CFAP251: variants seen among roughly 807,000 people sequenced by gnomAD.
The protein encoded by CFAP251 is cilia- and flagella-associated protein 251.
Under a neutral mutation model 126.7 loss-of-function variants are expected in CFAP251, and 93 were observed. That is an observed-to-expected ratio of 0.73 (90% confidence interval 0.62 to 0.87). CFAP251 has a LOEUF of 0.87. CFAP251 is among the 40% of genes least tolerant of loss of function. The probability of loss-of-function intolerance (pLI) is 0.00; values close to 1 mark genes in which losing one functional copy is unlikely to be tolerated. For synonymous variants in CFAP251, 503 were observed against 506.9 expected (o/e 0.99, Z 0.10); for missense variants, 1,287 against 1,389.2 (o/e 0.93, Z 1.17).
At chr12:121,978,633 C>CTA (rs1346653047) in intron 19 of CFAP251, among the ~76,000 whole-genome samples, 1 of 151,210 alleles carries the variant, frequency 6.6e-6, no homozygotes, top group African/African-American at 2.4e-5. Flanking sequence ...ATGTATATAC[C>CTA]TATATATATC....
At position 121,954,141 on chromosome 12, in the gene CFAP251, A is replaced by G. The variant is rs1452577910; in HGVS notation, c.1342A>G (p.Lys448Glu). 6.2e-7 allele frequency: 1 copy of G among 1,613,948 alleles called. No individual in the cohort carries two copies. Among genetic ancestry groups the G allele is most frequent in the East Asian group, 2.2e-5 (1 of 44,890 alleles). ...ACAGACCTTCAACAAGCTTGTGGGA[A>G]AGTTTAGCCAGTCCATCTTTCACTT... ...TEKTFNKLVG[K>E]FSQSIFHLNL... The change falls in exon 10 of 22, where the codon AAG becomes GAG. Residue 448 changes from lysine (K) to glutamate (E), a missense_variant. By Grantham distance (56) the Lys-to-Glu change is moderately conservative. Transcript: ENST00000288912.
At chr12:121,993,130 G>A (rs1882917778) in intron 19 of CFAP251, among the ~76,000 whole-genome samples, 1 of 145,398 alleles carries the variant, frequency 6.9e-6, no homozygotes, top group African/African-American at 2.6e-5. Flanking sequence ...GGCACGCGCC[G>A]CCACGCCTGA....
At chr12:121,992,421 G>A in intron 19 of CFAP251, 1 of 985,374 alleles carries the variant, frequency 1.0e-6, no homozygotes, top group African/African-American at 1.7e-5. Context: ...AGTGGTTTGT[G>A]CTGTGAATGT....
intron 15 of CFAP251, 98 bp from the exon 16 acceptor site, chr12:121,966,857 T>C: frequency 9.3e-7 from 1 of 1,073,234 alleles, no homozygotes. Context: ...GTGCTGGGAT[T>C]ACAGGTGTGA....
chr12:121,980,273 C>T (rs1882587633), intron 19 of CFAP251, among the ~76,000 whole-genome samples: 1 of 152,224 alleles, frequency 6.6e-6, no homozygotes, highest in African/African-American at 2.4e-5. Context: ...GTGTCTCAGC[C>T]TCTTCATGCT....
chr12:121,952,240 T>A (rs1168252584), intron 9 of CFAP251, among the ~76,000 whole-genome samples: 6 of 92,082 alleles, frequency 6.5e-5, no homozygotes, highest in South Asian at 4.5e-4. Context: ...TCGTTTCTAC[T>A]AAAAAAAAAA....
At chr12:121,986,017 A>T (rs528209217) in intron 19 of CFAP251, among the ~76,000 whole-genome samples, 2 of 152,134 alleles carry the variant, frequency 1.3e-5, no homozygotes, top group Non-Finnish European at 2.9e-5. Flanking sequence ...TTTTTGAGAG[A>T]GTCTTGCTGT....
At chr12:121,950,422 T>C (rs1881479309) in intron 8 of CFAP251, 1 of 152,216 alleles carries the variant, frequency 6.6e-6, no homozygotes, top group East Asian at 1.9e-4. Context: ...ACCGCTGAAT[T>C]GCACACTTTA....
chr12:121,946,275 G>T (rs1161442651), intron 7 of CFAP251, among the ~76,000 whole-genome samples: 1 of 152,194 alleles, frequency 6.6e-6, no homozygotes, highest in Non-Finnish European at 1.5e-5. Flanking sequence ...GAATAGGTGT[G>T]TAACTGTTTA....
At chr12:121,961,644 T>C (rs1881944146) in intron 14 of CFAP251, among the ~76,000 whole-genome samples, 2 of 152,242 alleles carry the variant, frequency 1.3e-5, no homozygotes, top group Non-Finnish European at 2.9e-5. Flanking sequence ...TATGTGACCT[T>C]GGACAAGCCA....
At chr12:121,982,243 G>A (rs2135804901) in intron 19 of CFAP251, among the ~76,000 whole-genome samples, 1 of 151,434 alleles carries the variant, frequency 6.6e-6, no homozygotes, top group African/African-American at 2.4e-5. Context: ...GTCTCACTCT[G>A]TCGCCCAGGC....
At chr12:121,993,788 A>G (rs1882945038) in intron 19 of CFAP251, among the ~76,000 whole-genome samples, 1 of 143,140 alleles carries the variant, frequency 7.0e-6, no homozygotes, top group Non-Finnish European at 1.5e-5. Context: ...CCCGTCCGGG[A>G]GGGAGGTGGG....
At chr12:121,932,373 TGA>T (rs1880728650) in intron 4 of CFAP251, 1 of 152,192 alleles carries the variant, frequency 6.6e-6, no homozygotes, top group African/African-American at 2.4e-5. Flanking sequence ...TAGTAAACAA[TGA>T]CTCTACATCT....
chr12:121,997,965 G>C (rs1367038128), intron 19 of CFAP251: 1 of 151,886 alleles, frequency 6.6e-6, no homozygotes, highest in Non-Finnish European at 1.5e-5. Context: ...TGGCCAGGCT[G>C]GTCTTGAACT....
At chr12:121,920,176 C>G (rs1030407945) in intron 1 of CFAP251, among the ~76,000 whole-genome samples, 25 of 140,616 alleles carry the variant, frequency 1.8e-4, no homozygotes, top group African/African-American at 6.5e-4. Context: ...AAGAACAAAA[C>G]TCTGTCTCAA....
Position 122,001,621 on chromosome 12 carries a change from G to A in CFAP251, c.3337+23G>A, listed in dbSNP as rs568956553. ...AAGGTACCCCAGCTGGCTTTGTCTG[G>A]GCATGTAGCTGTGGCTCACTGATTT... On this transcript the variant is annotated intron_variant, in intron 21 of 21. Coordinates refer to ENST00000288912, the MANE Select transcript of CFAP251 (RefSeq NM_144668.6). 47 of 1,588,494 alleles carry A rather than the reference G, an allele frequency of 3.0e-5. No individual in the cohort carries two copies. In the South Asian group the frequency reaches 5.1e-4, roughly 17 times the overall value.
chr12:121,962,540 C>T (rs1697287270), intron 15 of CFAP251, among the ~76,000 whole-genome samples: 1 of 152,160 alleles, frequency 6.6e-6, no homozygotes, highest in African/African-American at 2.4e-5. Flanking sequence ...CCTTTGTTTA[C>T]ACCCTGCGTG....
chr12:121,959,409 C>T (rs747976533), intron 13 of CFAP251: 87 of 224,696 alleles, frequency 3.9e-4, no homozygotes, highest in Non-Finnish European at 4.2e-4. Context: ...GTATGTTGGT[C>T]TGCCTTTATG....
rs1334017229 is a variant in CFAP251, at chr12:121,921,576, G to A, written c.271G>A (p.Gly91Arg). 1 of 1,614,094 alleles carries A rather than the reference G, an allele frequency of 6.2e-7. No homozygotes were observed. The highest frequency in any genetic ancestry group is 8.5e-7 in the Non-Finnish European group (1 of 1,180,022). The part of the protein sequence containing the change: ...AGEVQEKEAS[G>R]IQEETTVEPQ... ...AGAAGTCCAAGAGAAGGAGGCTTCA[G>A]GAATACAGGAAGAAACCACAGTAGA... The change falls in exon 2 of 22, where the codon GGA becomes AGA. Residue 91 changes from glycine (G) to arginine (R), a missense_variant. Physicochemically the swap from Gly to Arg is moderately radical, Grantham distance 125. Coordinates refer to ENST00000288912, the MANE Select transcript of CFAP251 (RefSeq NM_144668.6).
Sources: allele counts gnomAD v4.1 joint callset (sites outside exome capture counted in the v4.1 genomes callset), GRCh38; gene constraint gnomAD v4.1.1; transcripts MANE v1.5; gene names NCBI Gene and HGNC (gene_info 2026-07-23, HGNC 2026-07-21).